ROBO2: variants seen among roughly 807,000 people sequenced by gnomAD.
ROBO2 encodes the protein roundabout guidance receptor 2.
Under a neutral mutation model 160.8 loss-of-function variants are expected in ROBO2, and 53 were observed. The ratio of observed to expected loss-of-function variants is 0.33; its 90% CI spans 0.26 to 0.41. The LOEUF is 0.41. Ranked by LOEUF, ROBO2 falls within the 10% of genes least tolerant of loss-of-function variation. The pLI, the probability that ROBO2 is intolerant of heterozygous loss-of-function variation, is 1.00. For missense variants in ROBO2, 1,577 were observed against 1,722.4 expected (o/e 0.92, Z 1.49); for synonymous variants, 664 against 611.7 (o/e 1.09, Z -1.26).
chr3:77,438,649 A>G (rs891167045), intron 2 of ROBO2, among the ~76,000 whole-genome samples: 2 of 151,986 alleles, frequency 1.3e-5, no homozygotes, highest in Non-Finnish European at 2.9e-5. Flanking sequence ...ATGTAAATCA[A>G]GCATATTATA....
At chr3:76,087,966 G>A (rs2069082769) in intron 2 of ROBO2, among the ~76,000 whole-genome samples, 1 of 151,992 alleles carries the variant, frequency 6.6e-6, no homozygotes, top group South Asian at 2.1e-4. Context: ...GCAATTATAT[G>A]TTATTTATAA....
chr3:77,488,297 T>C (rs2085630477), intron 4 of ROBO2, among the ~76,000 whole-genome samples: 1 of 152,190 alleles, frequency 6.6e-6, no homozygotes, highest in Non-Finnish European at 1.5e-5. Flanking sequence ...GTTAATTGCA[T>C]TGGCAAAGAC....
intron 2 of ROBO2, among the ~76,000 whole-genome samples, chr3:76,550,205 C>T (rs2083333484): frequency 6.6e-6 from 1 of 152,078 alleles, no homozygotes; most frequent in Non-Finnish European, 1.5e-5. Context: ...GTAAAATGAC[C>T]ACTTCTTGCT....
chr3:76,009,061 A>G (rs970342304), intron 2 of ROBO2, among the ~76,000 whole-genome samples: 3 of 152,108 alleles, frequency 2.0e-5, no homozygotes. Context: ...TATGAGGCAC[A>G]TGAGGCTCTT....
intron 2 of ROBO2, among the ~76,000 whole-genome samples, chr3:76,115,432 A>G (rs760167598): frequency 6.6e-6 from 1 of 152,114 alleles, no homozygotes; most frequent in East Asian, 1.9e-4. Context: ...TAGAATCTGT[A>G]AGTAAAGATT....
chr3:77,526,595 A>T (rs911824853), intron 6 of ROBO2, among the ~76,000 whole-genome samples: 1 of 151,592 alleles, frequency 6.6e-6, no homozygotes, highest in East Asian at 1.9e-4. Context: ...ATTTTTAAAA[A>T]AGGATTATGA....
chr3:77,194,774 G>C (rs78084882), intron 2 of ROBO2, among the ~76,000 whole-genome samples: 1 of 152,070 alleles, frequency 6.6e-6, no homozygotes. Context: ...GGACAAAATA[G>C]AAAATATAAA....
chr3:76,917,725 G>T (rs1215647555), intron 2 of ROBO2, among the ~76,000 whole-genome samples: 4 of 147,932 alleles, frequency 2.7e-5, no homozygotes, highest in African/African-American at 1.0e-4. Context: ...ACATATGTAA[G>T]GGGATAATAT....
intron 1 of ROBO2, among the ~76,000 whole-genome samples, chr3:77,073,838 A>G (rs2067663293): frequency 6.6e-6 from 1 of 152,148 alleles, no homozygotes; most frequent in South Asian, 2.1e-4. Context: ...GCATGGTGCA[A>G]TTCTCTACCC....
intron 2 of ROBO2, among the ~76,000 whole-genome samples, chr3:76,462,486 T>C (rs1323508904): frequency 2.0e-5 from 3 of 152,174 alleles, no homozygotes; most frequent in African/African-American, 7.2e-5. Context: ...CAGTGATGCA[T>C]TTCTTTAATG....
chr3:76,336,898 G>A (rs779179717), intron 2 of ROBO2, among the ~76,000 whole-genome samples: 1 of 151,894 alleles, frequency 6.6e-6, no homozygotes, highest in African/African-American at 2.4e-5. Flanking sequence ...TGTCAATTAG[G>A]TAAAATATGA....
chr3:77,585,185 T>G (rs2094014846), intron 16 of ROBO2, among the ~76,000 whole-genome samples: 1 of 151,198 alleles, frequency 6.6e-6, no homozygotes, highest in African/African-American at 2.4e-5. Flanking sequence ...AAGTAGAGCT[T>G]TCTGTTTCTT....
At chr3:76,333,301 A>C (rs899109977) in intron 2 of ROBO2, among the ~76,000 whole-genome samples, 8 of 152,176 alleles carry the variant, frequency 5.3e-5, no homozygotes, top group African/African-American at 1.9e-4. Flanking sequence ...TGTCCAGTAC[A>C]TATTAGCTGT....
chr3:75,927,504 G>A (rs4856028), intron 1 of ROBO2, among the ~76,000 whole-genome samples: 152,083 of 152,338 alleles, frequency 1, 75,914 homozygotes, highest in Middle Eastern at 1. Flanking sequence ...ACCAATTTTT[G>A]GATTTCTTAA....
intron 2 of ROBO2, among the ~76,000 whole-genome samples, chr3:77,228,567 A>C (rs2086772712): frequency 6.6e-6 from 1 of 151,874 alleles, no homozygotes; most frequent in East Asian, 1.9e-4. Flanking sequence ...AACATCACAC[A>C]CTGGGACCTG....
chr3:76,910,380 A>C (rs755585479), intron 2 of ROBO2, among the ~76,000 whole-genome samples: 2 of 152,136 alleles, frequency 1.3e-5, no homozygotes, highest in South Asian at 2.1e-4. Context: ...AATGATGAGA[A>C]AGCAGTACAA....
At chr3:77,498,441 G>A (rs1193006400) in intron 5 of ROBO2, among the ~76,000 whole-genome samples, 1 of 152,026 alleles carries the variant, frequency 6.6e-6, no homozygotes, top group Non-Finnish European at 1.5e-5. Flanking sequence ...CAAGATATAT[G>A]GAGCAAAATT....
intron 2 of ROBO2, among the ~76,000 whole-genome samples, chr3:75,939,126 A>G (rs1947925164): frequency 2.0e-5 from 3 of 151,070 alleles, no homozygotes; most frequent in African/African-American, 7.3e-5. Flanking sequence ...AAACAAGAAT[A>G]TGTAGACAGC....
chr3:76,493,364 T>TATAA (rs1491215318), intron 2 of ROBO2, among the ~76,000 whole-genome samples: 108 of 136,752 alleles, frequency 7.9e-4, no homozygotes, highest in African/African-American at 2.8e-3. Context: ...TATATATATA[T>TATAA]AATTGTATAT....
Sources: gnomAD v4.1 joint callset for allele counts (sites outside exome capture counted in the v4.1 genomes callset) on GRCh38, gnomAD v4.1.1 for gene constraint, MANE v1.5 for transcripts, NCBI Gene and HGNC (gene_info 2026-07-23, HGNC 2026-07-21) for gene names.